Variants in ZNF786 observed in about 807,000 individuals in gnomAD.
ZNF786 encodes the protein zinc finger protein 786.
Under a neutral mutation model 63.1 loss-of-function variants are expected in ZNF786, and 56 were observed. That is an observed-to-expected ratio of 0.89 (90% CI 0.72 to 1.11). The LOEUF is 1.11. Among genes scored for constraint, ZNF786 ranks in the 50% least tolerant of loss-of-function variants. The pLI, the probability that ZNF786 is intolerant of heterozygous loss-of-function variation, is 0.00. For missense variants in ZNF786, 1,213 were observed against 1,041.8 expected, an observed-to-expected ratio of 1.16 and a Z score of -2.26; for synonymous variants, 485 against 406.9, an observed-to-expected ratio of 1.19 and a Z score of -2.31.
intron 2 of ZNF786, among the ~76,000 whole-genome samples, chr7:149,079,408 C>CA (rs777527765): frequency 0.015 from 1,925 of 129,476 alleles, 19 homozygotes; most frequent in Non-Finnish European, 0.021. Context: ...GACTCCGTCT[C>CA]AAAAAAAAAA....
At chr7:149,089,193 C>A (rs973442138) in intron 1 of ZNF786, among the ~76,000 whole-genome samples, 1 of 152,138 alleles carries the variant, frequency 6.6e-6, no homozygotes, top group African/African-American at 2.4e-5. Context: ...ATCTCGTGAT[C>A]CGCCCGCCTT....
rs760932424 is a variant in ZNF786 at position 149,071,582 on chromosome 7, A to G, written c.1190T>C (p.Phe397Ser). The part of the protein sequence containing the change: ...PCRAHTGEKP[F>S]QCAHCTKRFR... ...GCGCTTGGTGCAATGCGCACACTGG[A>G]AGGGCTTTTCTCCAGTATGCGCCCT... Residue 397 changes from phenylalanine (F) to serine (S), a missense_variant, in exon 4 of 4, where the codon TTC becomes TCC. Phe to Ser is a radical substitution (Grantham distance 155, BLOSUM62 -2). Coordinates refer to ENST00000491431, the MANE Select transcript of ZNF786 (RefSeq NM_152411.4). 2.5e-6 allele frequency: 4 copies of G among 1,610,682 alleles called. No homozygotes were observed. In the South Asian group the frequency reaches 3.3e-5, roughly 13 times the overall value.
At chr7:149,085,562 G>A (rs543109530) in intron 1 of ZNF786, among the ~76,000 whole-genome samples, 17 of 152,278 alleles carry the variant, frequency 1.1e-4, no homozygotes, top group African/African-American at 2.6e-4. Context: ...TGATCTGCCC[G>A]CCTTGGCCTC....
chr7:149,074,335 A>T, intron 3 of ZNF786, 51 bp downstream of exon 3: 2 of 1,597,648 alleles, frequency 1.3e-6, no homozygotes. Context: ...GAAGAGAAAC[A>T]AATCTGAACA....
intron 1 of ZNF786, among the ~76,000 whole-genome samples, chr7:149,081,381 A>T (rs1210296307): frequency 2.2e-5 from 3 of 138,400 alleles, no homozygotes; most frequent in African/African-American, 5.4e-5. Context: ...GGTTGCAGTG[A>T]GCGGAGATCG....
In ZNF786 at chr7:149,071,519, G is replaced by A. The variant is rs201590585; in HGVS notation, c.1253C>T (p.Ala418Val). ...LRRLLQVHQHAHGGERPFSCR... is the reference protein window; with the variant it reads ...LRRLLQVHQHVHGGERPFSCR... The stretch of plus-strand genomic sequence containing the variant: ...GGAGAACGGTCTCTCCCCACCGTGC[G>A]CGTGCTGGTGGACCTGCAGCAGGCG... Residue 418 changes from alanine to valine, a missense_variant, in exon 4 of 4, where the codon GCG (alanine) becomes GTG (valine). By Grantham distance (64) the Ala-to-Val change is moderately conservative. Transcript: ENST00000491431. 2.5e-6 allele frequency: 4 copies of A among 1,613,250 alleles called. No individual in the cohort carries two copies. The highest frequency in any genetic ancestry group is 2.2e-5 in the East Asian group (1 of 44,868).
At chr7:149,086,795 C>A (rs528396036) in intron 1 of ZNF786, among the ~76,000 whole-genome samples, 19 of 152,134 alleles carry the variant, frequency 1.2e-4, no homozygotes, top group African/African-American at 3.9e-4. Flanking sequence ...GATCCACCCC[C>A]CATGACCTAA....
intron 1 of ZNF786, among the ~76,000 whole-genome samples, chr7:149,087,791 TTTAGG>T (rs1825761248): frequency 6.6e-6 from 1 of 151,982 alleles, no homozygotes; most frequent in African/African-American, 2.4e-5. Flanking sequence ...AGGTAGTTCT[TTTAGG>T]TTTTTTTTTT....
chr7:149,073,745 G>GTGTGTATATATATA (rs1447122638), intron 3 of ZNF786, among the ~76,000 whole-genome samples: 1 of 67,744 alleles, frequency 1.5e-5, no homozygotes, highest in African/African-American at 6.2e-5. Flanking sequence ...GTGTGTGTGT[G>GTGTGTATATATATA]TGTATATATA....
intron 1 of ZNF786, among the ~76,000 whole-genome samples, chr7:149,088,958 T>A (rs1825783319): frequency 1.0e-4 from 1 of 9,584 alleles, no homozygotes; most frequent in South Asian, 0.011. Flanking sequence ...GTTGAGTTTC[T>A]TTTTTTTTTT....
chr7:149,070,693 G>A lies in ZNF786; in HGVS notation c.2079C>T (p.Ser693=). Residue 693 remains serine, a synonymous_variant, in exon 4 of 4, where the codon AGC becomes AGT. Transcript: ENST00000491431. The part of the protein sequence containing the change: ...KSFRLKAQLL[S]HQGLHTGERP... The stretch of plus-strand genomic sequence containing the variant: ...TCTCCCCTGTGTGCAGGCCCTGATG[G>A]CTGAGCAGCTGCGCCTTCAGGCGGA... 6.2e-7 allele frequency: 1 copy of A among 1,613,870 alleles called. No homozygotes were observed.
intron 1 of ZNF786, among the ~76,000 whole-genome samples, chr7:149,088,501 T>C (rs1355014196): frequency 6.6e-6 from 1 of 152,228 alleles, no homozygotes; most frequent in Non-Finnish European, 1.5e-5. Flanking sequence ...GAAATGCATA[T>C]GCTGTATTAT....
chr7:149,085,886 T>C (rs1170116996), intron 1 of ZNF786, among the ~76,000 whole-genome samples: 12 of 152,274 alleles, frequency 7.9e-5, no homozygotes, highest in Non-Finnish European at 7.4e-5. Context: ...TTAGCTTGGA[T>C]GTTGTTGGTG....
At chr7:149,090,572 G>T in intron 1 of ZNF786, 51 bp downstream of exon 1, 1 of 1,534,556 alleles carries the variant, frequency 6.5e-7, no homozygotes, top group Non-Finnish European at 8.8e-7. Context: ...CGGAACCCGA[G>T]GACCCACCAC....
At chr7:149,089,005 G>A (rs1032774771) in intron 1 of ZNF786, among the ~76,000 whole-genome samples, 14 of 149,290 alleles carry the variant, frequency 9.4e-5, no homozygotes, top group African/African-American at 3.2e-4. Flanking sequence ...CGCCCAGGCT[G>A]GAGTGCAGTG....
At chr7:149,078,983 GTAAT>G (rs1373022315) in intron 2 of ZNF786, among the ~76,000 whole-genome samples, 4 of 152,336 alleles carry the variant, frequency 2.6e-5, no homozygotes, top group Non-Finnish European at 5.9e-5. Context: ...ATTTTTCATA[GTAAT>G]TAATTCTGTC....
At chr7:149,090,583 G>A in intron 1 of ZNF786, 40 bp downstream of exon 1, 2 of 1,551,720 alleles carry the variant, frequency 1.3e-6, no homozygotes, top group South Asian at 1.2e-5. Context: ...GACCCACCAC[G>A]ACCCCGAAAC....
At position 149,071,839 on chromosome 7, in the gene ZNF786, C is replaced by A; in HGVS notation, c.933G>T (p.Thr311=). Residue 311 remains threonine, a synonymous_variant, in exon 4 of 4, where the codon ACG becomes ACT. Coordinates refer to ENST00000491431, the MANE Select transcript of ZNF786 (RefSeq NM_152411.4). ...CGKRSLPVDS[T]QARRCQHSRE... ...GGCTGTGCTGGCACCGGCGAGCCTGCGTGCTGTCCACTGGGAGGGAGCGCT... is the reference window on the plus strand; with the variant it reads ...GGCTGTGCTGGCACCGGCGAGCCTGAGTGCTGTCCACTGGGAGGGAGCGCT... 2 of 1,594,408 alleles carry A rather than the reference C, an allele frequency of 1.3e-6. No individual in the cohort carries two copies. Among genetic ancestry groups the A allele is most frequent in the Non-Finnish European group, 1.7e-6 (2 of 1,174,828 alleles).
At chr7:149,089,157 T>A (rs1825789255) in intron 1 of ZNF786, among the ~76,000 whole-genome samples, 1 of 152,064 alleles carries the variant, frequency 6.6e-6, no homozygotes, top group Non-Finnish European at 1.5e-5. Flanking sequence ...TTTCACCGTG[T>A]TAGCTAGGAT....
Sources: gnomAD v4.1 joint callset for allele counts (sites outside exome capture counted in the v4.1 genomes callset) on GRCh38, gnomAD v4.1.1 for gene constraint, MANE v1.5 for transcripts, NCBI Gene and HGNC (gene_info 2026-07-23, HGNC 2026-07-21) for gene names.